Variants in TMEM132D observed in about 807,000 individuals in gnomAD.
The protein encoded by TMEM132D is mature OL transmembrane protein.
A neutral mutation model predicts 62.3 loss-of-function variants in TMEM132D; 21 were observed. The observed-to-expected ratio is 0.34, with a 90% CI of 0.24 to 0.49. TMEM132D has a LOEUF of 0.49. TMEM132D is among the 20% of genes least tolerant of loss of function. The probability of loss-of-function intolerance (pLI) is 0.99; values close to 1 mark genes in which losing one functional copy is unlikely to be tolerated. For synonymous variants in TMEM132D, 621 were observed against 575.6 expected, an observed-to-expected ratio of 1.08 and a Z score of -1.13; for missense variants, 1,346 against 1,402.8, an observed-to-expected ratio of 0.96 and a Z score of 0.65.
intron 3 of TMEM132D, chr12:129,521,179 G>C (rs908740590): frequency 1.3e-5 from 2 of 152,184 alleles, no homozygotes; most frequent in African/African-American, 4.8e-5. Context: ...TTCGAATTCA[G>C]GTTATAGGAA....
chr12:129,368,913 C>T (rs1331959992), intron 3 of TMEM132D, among the ~76,000 whole-genome samples: 6 of 152,154 alleles, frequency 3.9e-5, no homozygotes, highest in South Asian at 2.1e-4. Context: ...GACATGTATG[C>T]CTCTTATCCT....
chr12:129,403,354 T>G (rs1052872952), intron 3 of TMEM132D, among the ~76,000 whole-genome samples: 1 of 150,364 alleles, frequency 6.7e-6, no homozygotes, highest in African/African-American at 2.5e-5. Context: ...TACTTTAGAA[T>G]ACACACATAA....
intron 3 of TMEM132D, among the ~76,000 whole-genome samples, chr12:129,358,443 C>T (rs1021561844): frequency 2.6e-5 from 4 of 152,222 alleles, no homozygotes; most frequent in South Asian, 2.1e-4. Context: ...CCACGTGCAG[C>T]GACATTACTT....
intron 3 of TMEM132D, among the ~76,000 whole-genome samples, chr12:129,381,473 T>G (rs186643207): frequency 1.3e-5 from 2 of 152,170 alleles, no homozygotes; most frequent in Admixed American, 6.5e-5. Flanking sequence ...TTTTTAAAAC[T>G]TTACTAAAGA....
chr12:129,662,003 G>T (rs1880247547), intron 2 of TMEM132D, among the ~76,000 whole-genome samples: 1 of 152,146 alleles, frequency 6.6e-6, no homozygotes, highest in East Asian at 1.9e-4. Context: ...CTGTGGTACA[G>T]CTCAGAAGTG....
intron 2 of TMEM132D, among the ~76,000 whole-genome samples, chr12:129,638,544 T>TAAAC (rs386378236): frequency 2.3e-5 from 1 of 44,424 alleles, no homozygotes; most frequent in Non-Finnish European, 5.3e-5. Context: ...TATATAAATA[T>TAAAC]AAACATATAT....
At chr12:129,316,466 T>G (rs1868491383) in intron 4 of TMEM132D, among the ~76,000 whole-genome samples, 1 of 152,172 alleles carries the variant, frequency 6.6e-6, no homozygotes, top group African/African-American at 2.4e-5. Context: ...GTAGGTTTCT[T>G]TTGGAGTTGA....
intron 2 of TMEM132D, among the ~76,000 whole-genome samples, chr12:129,615,795 C>CAAAATAAAATAAAATAAAAT (rs767430381): frequency 1.2e-4 from 16 of 139,122 alleles, no homozygotes; most frequent in African/African-American, 3.7e-4. Context: ...CAAAACAAAA[C>CAAAATAAAATAAAATAAAAT]AAAATAAAAT....
chr12:129,712,832 T>C (rs12833265), intron 1 of TMEM132D, among the ~76,000 whole-genome samples: 11,620 of 152,136 alleles, frequency 0.076, 594 homozygotes, highest in Middle Eastern at 0.13. Context: ...GGAAGCAGAC[T>C]GGACAGCTGC....
At chr12:129,440,721 A>T (rs918607943) in intron 3 of TMEM132D, among the ~76,000 whole-genome samples, 1 of 152,182 alleles carries the variant, frequency 6.6e-6, no homozygotes, top group African/African-American at 2.4e-5. Flanking sequence ...GGATGCAGAT[A>T]CCCTTTTACT....
At chr12:129,780,350 CG>C (rs71451333) in intron 1 of TMEM132D, among the ~76,000 whole-genome samples, 7 of 128,866 alleles carry the variant, frequency 5.4e-5, no homozygotes, top group South Asian at 3.2e-4. Context: ...GGGGGGGGGC[CG>C]GGGGGGCACA....
intron 1 of TMEM132D, among the ~76,000 whole-genome samples, chr12:129,834,160 A>T (rs946931272): frequency 6.6e-6 from 1 of 151,838 alleles, no homozygotes; most frequent in Admixed American, 6.6e-5. Context: ...TCATCTCAGA[A>T]TGTAGCCTGG....
intron 1 of TMEM132D, among the ~76,000 whole-genome samples, chr12:129,751,073 C>A (rs1022503666): frequency 6.6e-6 from 1 of 152,146 alleles, no homozygotes; most frequent in African/African-American, 2.4e-5. Context: ...GGACATAATT[C>A]CTGCTGCCCT....
chr12:129,661,202 TAC>T (rs1428199219), intron 2 of TMEM132D, among the ~76,000 whole-genome samples: 5 of 152,132 alleles, frequency 3.3e-5, no homozygotes, highest in Non-Finnish European at 7.4e-5. Context: ...GCCATTTGCG[TAC>T]AGTTTCTTTA....
Position 129,285,539 on chromosome 12 carries a change from A to AAAAAAAAAAAAAATG in TMEM132D, c.1299+52094_1299+52095insCATTTTTTTTTTTTT, listed in dbSNP as rs56018646. Among the ~76,000 whole-genome samples, 10 of 90,076 alleles carry AAAAAAAAAAAAAATG rather than the reference A, an allele frequency of 1.1e-4. No individual in the cohort carries two copies. In the East Asian group the frequency reaches 3.1e-3, roughly 28 times the overall value. 59.1% of individuals were successfully genotyped at this position (90,076 alleles called of 152,430 possible). A position where few individuals can be genotyped will look rare whatever the true frequency, so the allele number is the denominator to read the frequency against. ...GAGACTGTGTCTCAAAAAAAAAAAA[A>AAAAAAAAAAAAAATG]AGAGAGAGAGAGAGAGGCTCCCATT... On this transcript the variant is annotated intron_variant, in intron 4 of 8. Coordinates refer to ENST00000422113, the MANE Select transcript of TMEM132D (RefSeq NM_133448.3).
intron 3 of TMEM132D, among the ~76,000 whole-genome samples, chr12:129,471,074 T>C (rs1874079955): frequency 6.6e-6 from 1 of 152,166 alleles, no homozygotes; most frequent in African/African-American, 2.4e-5. Context: ...TCTAAATCCC[T>C]CATGGCATAA....
At chr12:129,618,924 G>T (rs1001749959) in intron 2 of TMEM132D, among the ~76,000 whole-genome samples, 1 of 152,270 alleles carries the variant, frequency 6.6e-6, no homozygotes, top group Admixed American at 6.5e-5. Context: ...AACTCGAAGC[G>T]GGGGCTGCCT....
rs1055526026 is a variant in TMEM132D, at chr12:129,277,597, A to G, written c.1299+60037T>C. Among the ~76,000 whole-genome samples the G allele has an allele frequency of 4.6e-5, 7 of 152,262 alleles. No individual in the cohort carries two copies. The highest frequency in any genetic ancestry group is 1.7e-4 in the African/African-American group (7 of 41,474). On this transcript the variant is annotated intron_variant, in intron 4 of 8. Transcript: ENST00000422113. This position sits in a 1 kb window ranked among gnomAD's most constrained non-coding sequence, Gnocchi z 4.2. ...AGATATTTAAAAGTTGTGCTCAGTCATGCAAACCAAAGTTGCTCATTTAAA... is the reference window on the plus strand; with the variant it reads ...AGATATTTAAAAGTTGTGCTCAGTCGTGCAAACCAAAGTTGCTCATTTAAA...
chr12:129,563,443 T>C (rs1877291548), intron 2 of TMEM132D, among the ~76,000 whole-genome samples: 1 of 152,172 alleles, frequency 6.6e-6, no homozygotes, highest in Non-Finnish European at 1.5e-5. Flanking sequence ...CTTTCTTTGA[T>C]CTCCTTCTTA....
Sources: gnomAD v4.1 joint callset for allele counts (sites outside exome capture counted in the v4.1 genomes callset) on GRCh38, gnomAD v4.1.1 for gene constraint, Gnocchi (gnomAD v3.1) non-coding constraint, MANE v1.5 for transcripts, NCBI Gene and HGNC (gene_info 2026-07-23, HGNC 2026-07-21) for gene names.